The following BTRC variants were observed in gnomAD, a reference collection of about 807,000 sequenced individuals.
BTRC encodes beta-transducin repeat containing E3 ubiquitin protein ligase.
Under a neutral mutation model 85.5 loss-of-function variants are expected in BTRC, and 42 were observed. The ratio of observed to expected loss-of-function variants is 0.49; its 90% CI spans 0.38 to 0.64. The LOEUF is 0.64. Ranked by LOEUF, BTRC falls within the 30% of genes least tolerant of loss-of-function variation. BTRC has a pLI of 0.00. For synonymous variants in BTRC, 255 were observed against 263.3 expected (o/e 0.97, Z 0.30); for missense variants, 594 against 743.5 (o/e 0.80, Z 2.34).
chr10:101,549,736 A>AAAAAAAAAAAAAAAG (rs2062619932), intron 13 of BTRC, among the ~76,000 whole-genome samples: 1 of 149,002 alleles, frequency 6.7e-6, no homozygotes, highest in Non-Finnish European at 1.5e-5. Context: ...AAAAAAAAAA[A>AAAAAAAAAAAAAAAG]GATGATGATG....
At chr10:101,481,466 G>A (rs955440218) in intron 4 of BTRC, among the ~76,000 whole-genome samples, 1 of 152,066 alleles carries the variant, frequency 6.6e-6, no homozygotes, top group African/African-American at 2.4e-5. Context: ...ACTGAGAGCT[G>A]GCCAAGTGAG....
intron 8 of BTRC, 110 bp downstream of exon 8, chr10:101,532,542 A>AT (rs2062300881): frequency 2.9e-6 from 4 of 1,367,996 alleles, no homozygotes; most frequent in Non-Finnish European, 3.9e-6. Context: ...GTAAGTGAAG[A>AT]TTTTAGATTG....
At chr10:101,532,200 G>A in intron 7 of BTRC, 95 bp from the exon 8 acceptor site, 1 of 1,349,850 alleles carries the variant, frequency 7.4e-7, no homozygotes, top group Non-Finnish European at 1.0e-6. Flanking sequence ...ATCCCATAGA[G>A]TAAAGCATTG....
intron 1 of BTRC, among the ~76,000 whole-genome samples, chr10:101,404,911 TG>T (rs988333318): frequency 6.1e-5 from 9 of 147,488 alleles, no homozygotes; most frequent in African/African-American, 2.3e-4. Flanking sequence ...GGCAGGAGAA[TG>T]GGATGAACCC....
At chr10:101,388,241 A>G (rs1231083558) in intron 1 of BTRC, among the ~76,000 whole-genome samples, 2 of 151,694 alleles carry the variant, frequency 1.3e-5, no homozygotes, top group African/African-American at 4.8e-5. Flanking sequence ...AGCTCATTGT[A>G]ACATCAACCT....
chr10:101,549,454 C>T (rs568526897), intron 13 of BTRC, among the ~76,000 whole-genome samples: 1 of 151,580 alleles, frequency 6.6e-6, no homozygotes, highest in Non-Finnish European at 1.5e-5. Context: ...GATGATGACA[C>T]CTGTAATCCC....
rs1321097567 is a variant in BTRC at position 101,525,944 on chromosome 10, G to A, written c.557-69G>A. 8 of 1,461,372 alleles carry A rather than the reference G, an allele frequency of 5.5e-6. No individual in the cohort carries two copies. In the African/African-American group the frequency reaches 1.1e-4, roughly 20 times the overall value. The allele number at this position is 1,461,372 out of a possible 1,614,324, so 90.5% of individuals were successfully genotyped here. ...AGAACAAATGCTGTTCTGTTTTAAAGGACCTTTTGTAAAAAATCATTCGCC... is the reference window on the plus strand; with the variant it reads ...AGAACAAATGCTGTTCTGTTTTAAAAGACCTTTTGTAAAAAATCATTCGCC... On this transcript the variant is annotated intron_variant, in intron 5 of 14. Coordinates refer to ENST00000370187, the MANE Select transcript of BTRC (RefSeq NM_033637.4).
At chr10:101,525,714 G>A (rs2062181146) in intron 5 of BTRC, among the ~76,000 whole-genome samples, 1 of 152,130 alleles carries the variant, frequency 6.6e-6, no homozygotes, top group African/African-American at 2.4e-5. Flanking sequence ...ATAGATAGAT[G>A]TGAATTGTTT....
At chr10:101,433,870 T>A (rs761253734) in intron 2 of BTRC, among the ~76,000 whole-genome samples, 1 of 152,154 alleles carries the variant, frequency 6.6e-6, no homozygotes, top group African/African-American at 2.4e-5. Flanking sequence ...ATCTTTAAAT[T>A]CTTAAAAAAT....
At chr10:101,427,945 T>C (rs935503413) in intron 1 of BTRC, among the ~76,000 whole-genome samples, 2 of 152,330 alleles carry the variant, frequency 1.3e-5, no homozygotes, top group African/African-American at 4.8e-5. Flanking sequence ...CAAAGCATTC[T>C]TAATACGTAT....
chr10:101,374,812 C>T (rs1444457826), intron 1 of BTRC, among the ~76,000 whole-genome samples: 2 of 151,928 alleles, frequency 1.3e-5, no homozygotes, highest in Non-Finnish European at 2.9e-5. Flanking sequence ...AAAAGTTTAT[C>T]CGCATAAAAA....
intron 4 of BTRC, among the ~76,000 whole-genome samples, chr10:101,499,810 T>C (rs1589556018): frequency 1.3e-5 from 2 of 151,788 alleles, no homozygotes; most frequent in African/African-American, 4.8e-5. Flanking sequence ...CTACCTTCCA[T>C]TGAAACTTAA....
At chr10:101,537,453 G>A (rs1054362612) in intron 12 of BTRC, among the ~76,000 whole-genome samples, 4 of 152,126 alleles carry the variant, frequency 2.6e-5, no homozygotes, top group Admixed American at 1.3e-4. Context: ...GCTTGAACCA[G>A]GGAGGCAGAG....
chr10:101,429,944 A>ACTCCT (rs1564767414), intron 1 of BTRC, among the ~76,000 whole-genome samples: 2 of 151,036 alleles, frequency 1.3e-5, no homozygotes, highest in South Asian at 4.2e-4. Flanking sequence ...GTTTCTGTGA[A>ACTCCT]CTCCTCCTCT....
intron 1 of BTRC, chr10:101,364,857 G>C (rs574486306): frequency 7.0e-6 from 1 of 142,052 alleles, no homozygotes; most frequent in Admixed American, 7.4e-5. Flanking sequence ...CGAGTGCACC[G>C]TTCCTGGAGG....
chr10:101,367,223 A>G (rs1162486490), intron 1 of BTRC, among the ~76,000 whole-genome samples: 1 of 148,528 alleles, frequency 6.7e-6, no homozygotes, highest in Non-Finnish European at 1.5e-5. Flanking sequence ...TGCGCGCACC[A>G]CCACGCCAGC....
chr10:101,387,311 T>A (rs1789087063), intron 1 of BTRC, among the ~76,000 whole-genome samples: 1 of 150,198 alleles, frequency 6.7e-6, no homozygotes, highest in African/African-American at 2.4e-5. Context: ...CAGTCATTTA[T>A]TTTTTTTTGT....
chr10:101,473,282 A>T (rs1028533202), intron 3 of BTRC, among the ~76,000 whole-genome samples: 1 of 147,276 alleles, frequency 6.8e-6, no homozygotes, highest in Admixed American at 6.8e-5. Context: ...AAGCCTCTCC[A>T]GTAAATTTTT....
chr10:101,413,590 A>T (rs1564756063), intron 1 of BTRC, among the ~76,000 whole-genome samples: 1 of 152,138 alleles, frequency 6.6e-6, no homozygotes, highest in African/African-American at 2.4e-5. Context: ...CTGGGATTAC[A>T]GGTGTGAGCC....
Sources: allele counts gnomAD v4.1 joint callset (sites outside exome capture counted in the v4.1 genomes callset), GRCh38; gene constraint gnomAD v4.1.1; transcripts MANE v1.5; gene names NCBI Gene and HGNC (gene_info 2026-07-23, HGNC 2026-07-21).